The following STXBP5L variants were observed in gnomAD, a reference collection of about 807,000 sequenced individuals.
STXBP5L encodes syntaxin binding protein 5L, also known as syntaxin-binding protein 5-like.
STXBP5L carries 65 observed loss-of-function variants against 144.5 expected under a neutral mutation model. The ratio of observed to expected loss-of-function variants is 0.45; its 90% CI spans 0.37 to 0.55. STXBP5L has a LOEUF of 0.55. STXBP5L is among the 20% of genes least tolerant of loss of function. The pLI is 0.00. For synonymous variants in STXBP5L, 505 were observed against 469.6 expected, an observed-to-expected ratio of 1.08 and a Z score of -0.97; for missense variants, 1,298 against 1,405.5, an observed-to-expected ratio of 0.92 and a Z score of 1.22.
At chr3:121,328,720 A>G (rs544120273) in intron 20 of STXBP5L, among the ~76,000 whole-genome samples, 1 of 152,282 alleles carries the variant, frequency 6.6e-6, no homozygotes, top group South Asian at 2.1e-4. Flanking sequence ...ACTGCACTCC[A>G]GCATGGGTGC....
intron 2 of STXBP5L, among the ~76,000 whole-genome samples, chr3:120,928,601 T>C (rs980137834): frequency 2.0e-5 from 3 of 151,888 alleles, no homozygotes; most frequent in Admixed American, 1.3e-4. Context: ...GCTTACATGT[T>C]CTGAGACTTC....
intron 3 of STXBP5L, among the ~76,000 whole-genome samples, chr3:120,998,552 G>A (rs1261686823): frequency 6.6e-6 from 1 of 151,930 alleles, no homozygotes; most frequent in African/African-American, 2.4e-5. Context: ...TCCCCAACAG[G>A]CCCCAGTGTG....
intron 21 of STXBP5L, among the ~76,000 whole-genome samples, chr3:121,379,586 G>C (rs894805409): frequency 3.3e-5 from 5 of 152,100 alleles, no homozygotes; most frequent in African/African-American, 1.2e-4. Flanking sequence ...GAAAACTTTT[G>C]ACAGTGATCT....
At chr3:121,215,961 A>G (rs902632226) in intron 10 of STXBP5L, among the ~76,000 whole-genome samples, 2 of 151,962 alleles carry the variant, frequency 1.3e-5, no homozygotes, top group Non-Finnish European at 2.9e-5. Flanking sequence ...TTGATATTCA[A>G]TCTCTGATAT....
intron 22 of STXBP5L, among the ~76,000 whole-genome samples, chr3:121,388,880 G>C (rs547000017): frequency 1.3e-5 from 2 of 152,140 alleles, no homozygotes; most frequent in African/African-American, 4.8e-5. Flanking sequence ...GCCAGGCTTT[G>C]GTATAAGGAT....
intron 2 of STXBP5L, among the ~76,000 whole-genome samples, chr3:120,954,284 T>G (rs1257262661): frequency 1.3e-5 from 2 of 152,196 alleles, no homozygotes; most frequent in Admixed American, 1.3e-4. Flanking sequence ...TTTATGAGTT[T>G]TAACTAATGT....
chr3:121,147,442 C>T (rs1004179978), intron 7 of STXBP5L, among the ~76,000 whole-genome samples: 1 of 151,998 alleles, frequency 6.6e-6, no homozygotes, highest in African/African-American at 2.4e-5. Flanking sequence ...ATATCAAAAA[C>T]TTGTGCAATG....
chr3:120,985,352 T>A (rs1461576013), intron 3 of STXBP5L, among the ~76,000 whole-genome samples: 2 of 152,098 alleles, frequency 1.3e-5, no homozygotes, highest in Non-Finnish European at 2.9e-5. Context: ...TTTTGATGTA[T>A]GTATACATGG....
intron 24 of STXBP5L, 47 bp downstream of exon 24, chr3:121,413,370 G>A: frequency 6.9e-7 from 1 of 1,447,760 alleles, no homozygotes; most frequent in Non-Finnish European, 9.1e-7. Context: ...ACATGGTTGA[G>A]AGAATGAGAA....
chr3:121,394,718 C>A (rs1430642551), intron 22 of STXBP5L, among the ~76,000 whole-genome samples: 2 of 150,270 alleles, frequency 1.3e-5, no homozygotes, highest in Non-Finnish European at 3.0e-5. Context: ...CATTCTCCTG[C>A]CTCAGCCTCC....
At chr3:120,981,200 A>G (rs1046113675) in intron 3 of STXBP5L, among the ~76,000 whole-genome samples, 1 of 152,114 alleles carries the variant, frequency 6.6e-6, no homozygotes, top group African/African-American at 2.4e-5. Context: ...TTTGTCTTGC[A>G]ATGTATCTTC....
intron 22 of STXBP5L, among the ~76,000 whole-genome samples, chr3:121,385,122 A>G (rs975537500): frequency 6.6e-6 from 1 of 152,024 alleles, no homozygotes; most frequent in Non-Finnish European, 1.5e-5. Context: ...CATTCTCCTT[A>G]CCCCAGTGGT....
chr3:121,040,878 T>C (rs1490068254), intron 3 of STXBP5L, among the ~76,000 whole-genome samples: 1 of 152,164 alleles, frequency 6.6e-6, no homozygotes, highest in Non-Finnish European at 1.5e-5. Flanking sequence ...TTTGTACAGA[T>C]TTTTAATTGT....
chr3:121,187,876 AAAG>A (rs1049172390), intron 9 of STXBP5L, among the ~76,000 whole-genome samples: 15 of 152,118 alleles, frequency 9.9e-5, no homozygotes, highest in African/African-American at 3.6e-4. Flanking sequence ...AGAAAAAAAA[AAAG>A]CAGCGGTTGC....
At chr3:121,312,446 CTTTTTTTTTTTT>C (rs58989280) in intron 19 of STXBP5L, among the ~76,000 whole-genome samples, 2 of 12,752 alleles carry the variant, frequency 1.6e-4, no homozygotes, top group African/African-American at 4.3e-4. Context: ...GTATGTCAAT[CTTTTTTTTTTTT>C]TTTTTTTTTT....
chr3:121,361,906 A>G (rs1183400809), intron 20 of STXBP5L, among the ~76,000 whole-genome samples: 1 of 152,140 alleles, frequency 6.6e-6, no homozygotes, highest in Non-Finnish European at 1.5e-5. Flanking sequence ...CTTAGTCTTC[A>G]TGGTTGGGTC....
At chr3:121,121,792 T>C in intron 7 of STXBP5L, 88 bp downstream of exon 7, 1 of 872,758 alleles carries the variant, frequency 1.1e-6, no homozygotes, top group Non-Finnish European at 1.8e-6. Flanking sequence ...ATCTAGTATC[T>C]AGCCCAGTTG....
At chr3:121,046,768 C>T (rs1275615698) in intron 5 of STXBP5L, among the ~76,000 whole-genome samples, 1 of 151,922 alleles carries the variant, frequency 6.6e-6, no homozygotes, top group African/African-American at 2.4e-5. Flanking sequence ...ATTAGCCTAG[C>T]TAGTGGTCTA....
At chr3:121,071,937 A>T (rs1041375498) in intron 5 of STXBP5L, among the ~76,000 whole-genome samples, 11 of 152,186 alleles carry the variant, frequency 7.2e-5, no homozygotes, top group Admixed American at 7.2e-4. Flanking sequence ...GCAGCACCTG[A>T]TCCCACCTTA....
Sources: gnomAD v4.1 joint callset for allele counts (sites outside exome capture counted in the v4.1 genomes callset) on GRCh38, gnomAD v4.1.1 for gene constraint, MANE v1.5 for transcripts, NCBI Gene and HGNC (gene_info 2026-07-23, HGNC 2026-07-21) for gene names.